The following RYR3 variants were observed in gnomAD, a reference collection of about 807,000 sequenced individuals.
The protein encoded by RYR3 is ryanodine receptor 3.
A neutral mutation model predicts 584.3 loss-of-function variants in RYR3; 207 were observed. The ratio of observed to expected loss-of-function variants is 0.35; its 90% confidence interval spans 0.32 to 0.40. The LOEUF (loss-of-function observed/expected upper bound fraction) is 0.40. RYR3 is among the 10% of genes least tolerant of loss of function. The pLI, the probability that RYR3 is intolerant of heterozygous loss-of-function variation, is 1.00. For synonymous variants in RYR3, 2,416 were observed against 2,248.5 expected (o/e 1.07, Z -2.11); for missense variants, 5,616 against 6,089.2 (o/e 0.92, Z 2.59).
chr15:33,722,286 C>G (rs1261625921), intron 43 of RYR3, among the ~76,000 whole-genome samples: 1 of 152,106 alleles, frequency 6.6e-6, no homozygotes, highest in African/African-American at 2.4e-5. Context: ...ATCAGTATTC[C>G]ATGGTAGACT....
At chr15:33,345,205 A>T (rs1972302701) in intron 1 of RYR3, among the ~76,000 whole-genome samples, 1 of 152,002 alleles carries the variant, frequency 6.6e-6, no homozygotes, top group Admixed American at 6.6e-5. Flanking sequence ...AAGCCTACCT[A>T]CTCTTCAGCA....
chr15:33,445,241 G>T (rs1242376233), intron 1 of RYR3, among the ~76,000 whole-genome samples: 2 of 152,132 alleles, frequency 1.3e-5, no homozygotes, highest in African/African-American at 4.8e-5. Flanking sequence ...TGCGAAGGGG[G>T]CACATGGGAT....
At chr15:33,810,758 C>T (rs1184582456) in intron 71 of RYR3, 109 bp downstream of exon 71, 4 of 1,381,570 alleles carry the variant, frequency 2.9e-6, no homozygotes, top group Non-Finnish European at 4.0e-6. Flanking sequence ...GGAGCAGATG[C>T]GCAGAAACCA....
intron 5 of RYR3, among the ~76,000 whole-genome samples, chr15:33,537,425 A>G (rs2055423537): frequency 6.6e-6 from 1 of 152,140 alleles, no homozygotes; most frequent in African/African-American, 2.4e-5. Context: ...GGTGGAACAC[A>G]TTATCTAGTA....
chr15:33,828,511 G>C (rs1056050486), intron 85 of RYR3, among the ~76,000 whole-genome samples: 5 of 152,322 alleles, frequency 3.3e-5, no homozygotes, highest in South Asian at 2.1e-4. Flanking sequence ...CTGCCTCAGT[G>C]AGCATATGAA....
At chr15:33,539,975 A>G (rs1181134061) in intron 6 of RYR3, among the ~76,000 whole-genome samples, 1 of 152,104 alleles carries the variant, frequency 6.6e-6, no homozygotes, top group African/African-American at 2.4e-5. Flanking sequence ...ATCCATGTAT[A>G]TGCAGACCTG....
At chr15:33,420,922 G>C (rs2044197085) in intron 1 of RYR3, among the ~76,000 whole-genome samples, 1 of 152,012 alleles carries the variant, frequency 6.6e-6, no homozygotes, top group Non-Finnish European at 1.5e-5. Flanking sequence ...TTGAGTACCT[G>C]CCCTGTACCA....
chr15:33,536,059 T>C (rs2141103854), intron 5 of RYR3, among the ~76,000 whole-genome samples: 1 of 152,260 alleles, frequency 6.6e-6, no homozygotes. Flanking sequence ...CCAACTCAGA[T>C]GAGGTTCAGC....
chr15:33,548,250 TC>T (rs2056401049), intron 9 of RYR3, 46 bp downstream of exon 9: 1 of 1,201,022 alleles, frequency 8.3e-7, no homozygotes, highest in Non-Finnish European at 1.2e-6. Context: ...ACTTTCTTTT[TC>T]AGTACAGGCC....
intron 12 of RYR3, among the ~76,000 whole-genome samples, chr15:33,578,845 C>T (rs2058449527): frequency 6.6e-6 from 1 of 152,080 alleles, no homozygotes; most frequent in African/African-American, 2.4e-5. Flanking sequence ...CACTCAGGGC[C>T]TTATGATGCA....
chr15:33,432,663 G>A (rs1432873965), intron 1 of RYR3, among the ~76,000 whole-genome samples: 2 of 67,868 alleles, frequency 2.9e-5, no homozygotes, highest in African/African-American at 2.7e-4. Flanking sequence ...ACCACGCCTA[G>A]CTAATTGTGT....
intron 1 of RYR3, among the ~76,000 whole-genome samples, chr15:33,443,516 ACT>A (rs2046390380): frequency 6.6e-6 from 1 of 152,010 alleles, no homozygotes; most frequent in Non-Finnish European, 1.5e-5. Context: ...GAGGTTAACC[ACT>A]CTTTCCACCC....
chr15:33,861,038 T>G, intron 101 of RYR3, 40 bp from the exon 102 acceptor site: 1 of 1,415,220 alleles, frequency 7.1e-7, no homozygotes, highest in Non-Finnish European at 9.8e-7. Context: ...CTGCCTATAT[T>G]ATGCCAACAA....
intron 47 of RYR3, among the ~76,000 whole-genome samples, chr15:33,729,767 G>A (rs569276090): frequency 1.3e-5 from 2 of 152,154 alleles, no homozygotes; most frequent in South Asian, 2.1e-4. Context: ...CTAGATCTGC[G>A]TAAGTCTAAA....
chr15:33,730,320 A>G (rs2152820440), intron 47 of RYR3, among the ~76,000 whole-genome samples: 1 of 146,254 alleles, frequency 6.8e-6, no homozygotes, highest in South Asian at 2.3e-4. Context: ...TGTTTGTCCA[A>G]ACACCATCTA....
chr15:33,509,243 G>A (rs2052751212), intron 3 of RYR3, among the ~76,000 whole-genome samples: 1 of 152,226 alleles, frequency 6.6e-6, no homozygotes. Flanking sequence ...CTGAACTGTG[G>A]CTGTGCCAAG....
At chr15:33,361,345 A>G (rs1974742492) in intron 1 of RYR3, among the ~76,000 whole-genome samples, 1 of 152,234 alleles carries the variant, frequency 6.6e-6, no homozygotes, top group Non-Finnish European at 1.5e-5. Context: ...ATGGCAAGCG[A>G]ATATACATGA....
intron 11 of RYR3, among the ~76,000 whole-genome samples, chr15:33,566,107 C>T (rs11630933): frequency 0.66 from 99,772 of 152,072 alleles, 33,689 homozygotes; most frequent in Middle Eastern, 0.76. Flanking sequence ...AGACAAAGGT[C>T]TGCTGATATC....
At position 33,785,650 on chromosome 15, in the gene RYR3, CCT is replaced by C; in HGVS notation, c.9269-8_9269-7del. The C allele has an allele frequency of 6.5e-7, 1 of 1,545,240 alleles. No individual in the cohort carries two copies. Among genetic ancestry groups the C allele is most frequent in the Non-Finnish European group, 8.7e-7 (1 of 1,143,874 alleles). ...TTTGAATTTCTGTCCCTTTATTCTT[CCT>C]CTCAATCAGTTCTGGGGATGCCAGA... On this transcript the variant is annotated splice_polypyrimidine_tract_variant and intron_variant, in intron 65 of 103. Coordinates refer to ENST00000634891, the MANE Select transcript of RYR3 (RefSeq NM_001036.6).
Sources: gnomAD v4.1 joint callset for allele counts (sites outside exome capture counted in the v4.1 genomes callset) on GRCh38, gnomAD v4.1.1 for gene constraint, MANE v1.5 for transcripts, NCBI Gene and HGNC (gene_info 2026-07-23, HGNC 2026-07-21) for gene names.